The following SIM2 variants were observed in gnomAD, a reference collection of about 807,000 sequenced individuals.
SIM2 encodes SIM bHLH transcription factor 2, also known as single-minded homolog 2.
SIM2 carries 28 observed loss-of-function variants against 64.8 expected under a neutral mutation model. The observed-to-expected ratio is 0.43, with a 90% confidence interval of 0.32 to 0.59. The LOEUF is 0.59. Among genes scored for constraint, SIM2 ranks in the 20% least tolerant of loss-of-function variants. The pLI, the probability that SIM2 is intolerant of heterozygous loss-of-function variation, is 0.07. For synonymous variants in SIM2, 408 were observed against 391.1 expected (o/e 1.04, Z -0.51); for missense variants, 847 against 871.4 (o/e 0.97, Z 0.35).
At chr21:36,742,000 A>AT (rs2089168010) in intron 8 of SIM2, 136 bp downstream of exon 8, 6 of 1,029,000 alleles carry the variant, frequency 5.8e-6, no homozygotes, top group African/African-American at 1.8e-5. Flanking sequence ...TCTTTTTTTT[A>AT]ATTTTTTTTT....
At chr21:36,744,325 A>AC (rs577102843) in intron 9 of SIM2, among the ~76,000 whole-genome samples, 1 of 151,388 alleles carries the variant, frequency 6.6e-6, no homozygotes, top group African/African-American at 2.4e-5. Flanking sequence ...AAAAAAAAAA[A>AC]AAAGAAAGAA....
chr21:36,707,015 G>A (rs2088593668), intron 1 of SIM2, among the ~76,000 whole-genome samples: 1 of 152,218 alleles, frequency 6.6e-6, no homozygotes, highest in Admixed American at 6.5e-5. Flanking sequence ...AGTCTGGTCT[G>A]GAGTTTCATT....
At chr21:36,742,988 G>C (rs555973631) in intron 8 of SIM2, among the ~76,000 whole-genome samples, 7 of 152,160 alleles carry the variant, frequency 4.6e-5, no homozygotes, top group Non-Finnish European at 1.0e-4. Context: ...GAAGAGTCCC[G>C]GACTCTTGCC....
rs1342580088 is a variant in SIM2, at chr21:36,747,860, C to G, written c.1772C>G (p.Ala591Gly). ...CAPPTPEAPGAPAQLPFVLLN... is the reference protein window; with the variant it reads ...CAPPTPEAPGGPAQLPFVLLN... ...CCCCCGACCCCCGAGGCCCCGGGCG[C>G]GCCGGCGCAGCTGCCCTTCGTGCTG... is the stretch of plus-strand genomic sequence containing the variant. Residue 591 changes from alanine to glycine, a missense_variant, in exon 11 of 11, where the codon GCG (alanine) becomes GGG (glycine). Coordinates refer to ENST00000290399, the MANE Select transcript of SIM2 (RefSeq NM_005069.6). The surrounding 1 kb of genome is among the most constrained non-coding windows in gnomAD (Gnocchi z 4.5). 3.8e-6 allele frequency: 4 copies of G among 1,043,338 alleles called. No individual in the cohort carries two copies. The highest frequency in any genetic ancestry group is 1.7e-5 in the African/African-American group (1 of 57,562). 64.6% of individuals were successfully genotyped at this position (1,043,338 alleles called of 1,614,324 possible). A position where few individuals can be genotyped will look rare whatever the true frequency, so the allele number is the denominator to read the frequency against.
At chr21:36,733,575 T>C (rs2089001064) in intron 7 of SIM2, among the ~76,000 whole-genome samples, 1 of 150,288 alleles carries the variant, frequency 6.7e-6, no homozygotes, top group African/African-American at 2.5e-5. Flanking sequence ...TTTTTTTTTT[T>C]TTCAGACAGA....
intron 1 of SIM2, among the ~76,000 whole-genome samples, chr21:36,704,166 A>T (rs1601683701): frequency 6.6e-6 from 1 of 152,344 alleles, no homozygotes; most frequent in South Asian, 2.1e-4. Flanking sequence ...GTTTAAATTC[A>T]GCTGCAGGTG....
rs2089270796 is a variant in SIM2, at chr21:36,748,599, C to T, written c.*507C>T. ...TTGTAAGTCCCATGAATACACAACT[C>T]CACTGTCTTTAAAAGTCATTCAAGA... is the stretch of plus-strand genomic sequence containing the variant. On this transcript the variant is annotated 3_prime_UTR_variant, in exon 11 of 11. Transcript: ENST00000290399. 6.6e-6 allele frequency: 1 copy of T among 152,240 alleles called. No homozygotes were observed. Among genetic ancestry groups the T allele is most frequent in the Admixed American group, 6.5e-5 (1 of 15,288 alleles). 9.4% of individuals were successfully genotyped at this position (152,240 alleles called of 1,614,324 possible).
chr21:36,707,979 G>T (rs1337148672), intron 1 of SIM2, among the ~76,000 whole-genome samples: 1 of 16,052 alleles, frequency 6.2e-5, no homozygotes, highest in East Asian at 1.3e-3. Context: ...CCCAGCGTGG[G>T]TTGGGGCGGG....
At chr21:36,701,137 T>C (rs1304080885) in intron 1 of SIM2, among the ~76,000 whole-genome samples, 1 of 152,196 alleles carries the variant, frequency 6.6e-6, no homozygotes, top group Non-Finnish European at 1.5e-5. Flanking sequence ...TGGTGGGTCC[T>C]CTGGGCCCAG....
In SIM2 at chr21:36,747,851, C is replaced by A; in HGVS notation, c.1763C>A (p.Ala588Asp). ...TGCTGCGCGCCCCCGACCCCCGAGG[C>A]CCCGGGCGCGCCGGCGCAGCTGCCC... ...PECCAPPTPEAPGAPAQLPFV... is the reference protein window; with the variant it reads ...PECCAPPTPEDPGAPAQLPFV... The change falls in exon 11 of 11, where the codon GCC (alanine) becomes GAC (aspartate). Residue 588 changes from alanine (A) to aspartate (D), a missense_variant. Physicochemically the swap from Ala to Asp is moderately radical, Grantham distance 126. Coordinates refer to ENST00000290399, the MANE Select transcript of SIM2 (RefSeq NM_005069.6). This position sits in a 1 kb window ranked among gnomAD's most constrained non-coding sequence, Gnocchi z 4.5. 9.6e-7 allele frequency: 1 copy of A among 1,038,174 alleles called. No individual in the cohort carries two copies. The highest frequency in any genetic ancestry group is 3.0e-5 in the South Asian group (1 of 32,986). The allele number at this position is 1,038,174 out of a possible 1,614,324, so 64.3% of individuals were successfully genotyped here.
At chr21:36,740,927 T>C (rs1166712853) in intron 7 of SIM2, among the ~76,000 whole-genome samples, 1 of 152,210 alleles carries the variant, frequency 6.6e-6, no homozygotes, top group Non-Finnish European at 1.5e-5. Flanking sequence ...TCCTCTTCCC[T>C]GGAGAAGCTT....
chr21:36,729,106 A>G (rs2088931920), intron 6 of SIM2, among the ~76,000 whole-genome samples: 1 of 152,218 alleles, frequency 6.6e-6, no homozygotes, highest in African/African-American at 2.4e-5. Flanking sequence ...TTTTAAAGCC[A>G]GTGTGTACTT....
chr21:36,735,202 A>G lies in SIM2; in HGVS notation c.850+4051A>G, dbSNP rs139215445. Among the ~76,000 whole-genome samples, 1,263 of 152,120 alleles carry G rather than the reference A, an allele frequency of 8.3e-3. 19 individuals are homozygous for G. Among genetic ancestry groups the G allele is most frequent in the African/African-American group, 0.029 (1,203 of 41,474 alleles). ...TCAGGGGGCCTTGATTGCCTGGCTT[A>G]CCCCCAACATGGTCAGGGTGGGCCC... On this transcript the variant is annotated intron_variant, in intron 7 of 10. Coordinates refer to ENST00000290399, the MANE Select transcript of SIM2 (RefSeq NM_005069.6).
chr21:36,710,525 G>C (rs2088660415), intron 2 of SIM2: 1 of 152,068 alleles, frequency 6.6e-6, no homozygotes, highest in Non-Finnish European at 1.5e-5. Flanking sequence ...CCTGTCATTT[G>C]TCTCTGCCAT....
intron 6 of SIM2, among the ~76,000 whole-genome samples, chr21:36,728,097 G>C (rs926569485): frequency 1.3e-5 from 2 of 152,232 alleles, no homozygotes; most frequent in African/African-American, 4.8e-5. Context: ...GGCGCTGCAG[G>C]GAGAGAAGGC....
intron 7 of SIM2, among the ~76,000 whole-genome samples, chr21:36,736,850 CTTTCTTTCTT>C (rs1207076659): frequency 2.1e-4 from 5 of 23,430 alleles, no homozygotes; most frequent in South Asian, 3.0e-3. Flanking sequence ...TCTTTCTTTT[CTTTCTTTCTT>C]TTTCTTTCTT....
At chr21:36,700,723 C>T (rs549161752) in intron 1 of SIM2, among the ~76,000 whole-genome samples, 3 of 152,288 alleles carry the variant, frequency 2.0e-5, no homozygotes, top group Non-Finnish European at 2.9e-5. Context: ...GGCTGGGGTG[C>T]GGGAAGTCCG....
At chr21:36,733,383 C>A (rs924765002) in intron 7 of SIM2, among the ~76,000 whole-genome samples, 3 of 151,944 alleles carry the variant, frequency 2.0e-5, no homozygotes, top group African/African-American at 7.3e-5. Context: ...CACCACCACG[C>A]CTGGCTAATT....
rs1158028229 is a variant in SIM2 at position 36,712,627 on chromosome 21, G to C, written c.348+5G>C. The stretch of plus-strand genomic sequence containing the variant: ...GTCCATTTAGGCTTATCCCAGGTGG[G>C]TATTGCCTAATTTTATGTGCAACCA... On this transcript the variant is annotated splice_donor_5th_base_variant and intron_variant, in intron 3 of 10. Transcript: ENST00000290399. The C allele has an allele frequency of 5.0e-6, 8 of 1,599,360 alleles. No individual in the cohort carries two copies. The highest frequency in any genetic ancestry group is 6.8e-6 in the Non-Finnish European group (8 of 1,169,830).
Sources: allele counts gnomAD v4.1 joint callset (sites outside exome capture counted in the v4.1 genomes callset), GRCh38; gene constraint gnomAD v4.1.1; non-coding constraint Gnocchi (gnomAD v3.1); transcripts MANE v1.5; gene names NCBI Gene and HGNC (gene_info 2026-07-23, HGNC 2026-07-21).